Variants in ZNF782 observed in about 807,000 individuals in gnomAD.
ZNF782 encodes the protein zinc finger protein 782.
ZNF782 carries 12 observed loss-of-function variants against 13.0 expected under a neutral mutation model. The observed-to-expected ratio is 0.92, with a 90% CI of 0.59 to 1.50. ZNF782 has a LOEUF of 1.50. Ranked by LOEUF, ZNF782 falls within the 40% of genes most tolerant of loss-of-function variation. The pLI is 0.00. For missense variants in ZNF782, 770 were observed against 822.9 expected (o/e 0.94, Z 0.79); for synonymous variants, 284 against 283.0 (o/e 1.00, Z -0.04).
At chr9:96,873,198 A>G (rs1851848119) in intron 1 of ZNF782, among the ~76,000 whole-genome samples, 1 of 152,202 alleles carries the variant, frequency 6.6e-6, no homozygotes, top group Non-Finnish European at 1.5e-5. Flanking sequence ...TAAAATCTTT[A>G]AATAACTCAT....
At chr9:96,871,297 T>A (rs539492449) in intron 1 of ZNF782, among the ~76,000 whole-genome samples, 7 of 151,996 alleles carry the variant, frequency 4.6e-5, no homozygotes, top group East Asian at 1.9e-4. Flanking sequence ...TTTTTTTTTT[T>A]AAATAGATGT....
intron 2 of ZNF782, among the ~76,000 whole-genome samples, chr9:96,861,308 C>T (rs983824514): frequency 2.0e-5 from 3 of 152,104 alleles, no homozygotes; most frequent in African/African-American, 7.2e-5. Flanking sequence ...AGAGACAACC[C>T]ACAGAATGGG....
At chr9:96,844,470 A>T (rs972541403) in intron 4 of ZNF782, among the ~76,000 whole-genome samples, 1 of 152,258 alleles carries the variant, frequency 6.6e-6, no homozygotes, top group Admixed American at 6.5e-5. Context: ...TACTAAAGAA[A>T]AGCCAGACAA....
chr9:96,870,359 C>T (rs1485266818), intron 1 of ZNF782, among the ~76,000 whole-genome samples: 2 of 152,184 alleles, frequency 1.3e-5, no homozygotes, highest in African/African-American at 4.8e-5. Flanking sequence ...TAAGGCCATC[C>T]TCTCCTGAAG....
the ZNF782 span, among the ~76,000 whole-genome samples, chr9:96,881,559 A>G: frequency 0.011 from 1,699 of 152,222 alleles, 46 homozygotes; most frequent in African/African-American, 0.038. Flanking sequence ...ATTAAAGACT[A>G]TAATCCATTT....
the ZNF782 span, chr9:96,918,537 T>C: frequency 6.6e-6 from 1 of 150,402 alleles, no homozygotes; most frequent in African/African-American, 2.4e-5. Flanking sequence ...GTGGTATCTC[T>C]AGGTAGCTGG....
At chr9:96,876,319 C>T (rs1851892208), upstream of ZNF782, among the ~76,000 whole-genome samples, 1 of 152,164 alleles carries the variant, frequency 6.6e-6, no homozygotes, top group African/African-American at 2.4e-5. Flanking sequence ...AGTTAATTCA[C>T]TTTACAATTT....
intron 4 of ZNF782, among the ~76,000 whole-genome samples, chr9:96,833,780 A>C (rs113990710): frequency 0.019 from 2,871 of 152,182 alleles, 77 homozygotes; most frequent in African/African-American, 0.065. Flanking sequence ...AATTATTAGG[A>C]ATTTTTCTAT....
the ZNF782 span, among the ~76,000 whole-genome samples, chr9:96,912,468 C>T: frequency 3.3e-5 from 5 of 149,804 alleles, no homozygotes; most frequent in African/African-American, 7.3e-5. Context: ...CACTCCAGCC[C>T]GGGCGACAGA....
chr9:96,877,555 G>A (rs1245806829), upstream of ZNF782, among the ~76,000 whole-genome samples: 1 of 152,246 alleles, frequency 6.6e-6, no homozygotes, highest in East Asian at 1.9e-4. Flanking sequence ...GCCAAGACTG[G>A]GGGCTTCCCC....
At chr9:96,884,830 C>T in the ZNF782 span, among the ~76,000 whole-genome samples, 1 of 152,040 alleles carries the variant, frequency 6.6e-6, no homozygotes, top group Middle Eastern at 3.2e-3. Context: ...AAAAGGTTAA[C>T]TAGGATTCAT....
intron 1 of ZNF782, among the ~76,000 whole-genome samples, chr9:96,873,998 T>G (rs2045127975): frequency 6.6e-6 from 1 of 152,132 alleles, no homozygotes; most frequent in African/African-American, 2.4e-5. Context: ...AAGCTCAAAT[T>G]TACTTTCATT....
intron 3 of ZNF782, among the ~76,000 whole-genome samples, chr9:96,847,313 GAAAT>G (rs1347777531): frequency 6.6e-6 from 1 of 151,744 alleles, no homozygotes; most frequent in Non-Finnish European, 1.5e-5. Context: ...CAGGACAAAA[GAAAT>G]AAAGATCAAA....
chr9:96,868,474 G>A (rs867888301), intron 1 of ZNF782, among the ~76,000 whole-genome samples: 1 of 152,158 alleles, frequency 6.6e-6, no homozygotes, highest in African/African-American at 2.4e-5. Context: ...AACAACTGAC[G>A]ACCCTACCAC....
At chr9:96,889,335 T>C in the ZNF782 span, 3 of 152,302 alleles carry the variant, frequency 2.0e-5, no homozygotes, top group African/African-American at 7.2e-5. Context: ...AATGCCATTA[T>C]TGCAAACTTT....
intron 1 of ZNF782, among the ~76,000 whole-genome samples, chr9:96,873,203 A>G (rs1356383127): frequency 6.6e-6 from 1 of 152,136 alleles, no homozygotes; most frequent in Non-Finnish European, 1.5e-5. Context: ...TCTTTAAATA[A>G]CTCATCACCT....
At position 96,816,587 on chromosome 9, in the gene ZNF782, A is replaced by G. The variant is rs780068154; in HGVS notation, c.*1336T>C. ...GTGAAACAACAGTTCTGATAAAGCA[A>G]TATCTAGATAAAGGCTATTACTTAC... On this transcript the variant is annotated 3_prime_UTR_variant, in exon 6 of 6. Transcript: ENST00000481138. 8 of 152,234 alleles carry G rather than the reference A, an allele frequency of 5.3e-5. No homozygotes were observed. Among genetic ancestry groups the G allele is most frequent in the East Asian group, 1.9e-4 (1 of 5,200 alleles). The allele number at this position is 152,234 out of a possible 1,614,324, so 9.4% of individuals were successfully genotyped here. A position where few individuals can be genotyped will look rare whatever the true frequency, so the allele number is the denominator to read the frequency against.
chr9:96,861,437 T>A (rs1054951232), intron 2 of ZNF782: 39 of 152,632 alleles, frequency 2.6e-4, no homozygotes, highest in African/African-American at 8.9e-4. Flanking sequence ...AATATCTGAA[T>A]ACACATTTCT....
At chr9:96,932,364 CCCGGAGGCA>C in the ZNF782 span, 1 of 1,610,906 alleles carries the variant, frequency 6.2e-7, no homozygotes, top group African/African-American at 1.3e-5. Context: ...AAGCCCCTGG[CCCGGAGGCA>C]CCTTCCCCAG....
Sources: gnomAD v4.1 joint callset for allele counts (sites outside exome capture counted in the v4.1 genomes callset) on GRCh38, gnomAD v4.1.1 for gene constraint, MANE v1.5 for transcripts, NCBI Gene and HGNC (gene_info 2026-07-23, HGNC 2026-07-21) for gene names.